The following GRIK1 variants were observed in gnomAD, a reference collection of about 807,000 sequenced individuals.
GRIK1 encodes the protein glutamate receptor ionotropic, kainate 1.
A neutral mutation model predicts 105.7 loss-of-function variants in GRIK1; 69 were observed. The observed-to-expected ratio is 0.65, with a 90% CI of 0.54 to 0.80. The LOEUF (loss-of-function observed/expected upper bound fraction) is 0.80, where lower values mean the gene tolerates loss of function less well. Ranked by LOEUF, GRIK1 falls within the 30% of genes least tolerant of loss-of-function variation. The pLI, the probability that GRIK1 is intolerant of heterozygous loss-of-function variation, is 0.00. For missense variants in GRIK1, 1,109 were observed against 1,167.3 expected, an observed-to-expected ratio of 0.95 and a Z score of 0.73; for synonymous variants, 438 against 431.3, an observed-to-expected ratio of 1.02 and a Z score of -0.19.
At position 29,689,633 on chromosome 21, in the gene GRIK1, A is replaced by G. The variant is rs1412901315; in HGVS notation, c.544+95T>C. ...TAGCTTTATATAAAAGAGCATTTTT[A>G]TGCTCCATCTGATGAGTTTAATGAC... On this transcript the variant is annotated intron_variant, in intron 3 of 17. Transcript: ENST00000327783. 7 of 1,048,424 alleles carry G rather than the reference A, an allele frequency of 6.7e-6. No individual in the cohort carries two copies. The Admixed American group carries it at 1.1e-4, about 17-fold the overall frequency. The allele number at this position is 1,048,424 out of a possible 1,614,324, so 64.9% of individuals were successfully genotyped here.
At chr21:29,773,072 G>A (rs1237664826) in intron 1 of GRIK1, among the ~76,000 whole-genome samples, 3 of 152,136 alleles carry the variant, frequency 2.0e-5, no homozygotes, top group Non-Finnish European at 2.9e-5. Flanking sequence ...ACTTATAGAT[G>A]GGTGCAAGAA....
intron 1 of GRIK1, among the ~76,000 whole-genome samples, chr21:29,854,499 A>T (rs531661198): frequency 7.2e-5 from 11 of 152,206 alleles, no homozygotes; most frequent in Admixed American, 6.5e-4. Flanking sequence ...TAGCCTGCCA[A>T]AAATAATGAG....
chr21:29,767,526 A>G (rs893593818), intron 1 of GRIK1, among the ~76,000 whole-genome samples: 1 of 152,048 alleles, frequency 6.6e-6, no homozygotes, highest in Non-Finnish European at 1.5e-5. Flanking sequence ...AAAAAAAAAA[A>G]GAACTGCAAT....
intron 7 of GRIK1, among the ~76,000 whole-genome samples, chr21:29,632,714 C>T (rs945600653): frequency 1.3e-5 from 2 of 152,090 alleles, no homozygotes; most frequent in African/African-American, 4.8e-5. Context: ...AGAACCAGGA[C>T]ATTAGTAGTT....
intron 1 of GRIK1, among the ~76,000 whole-genome samples, chr21:29,756,400 CAAT>C (rs2065343377): frequency 6.6e-6 from 1 of 152,046 alleles, no homozygotes; most frequent in East Asian, 1.9e-4. Context: ...AAAATAATGA[CAAT>C]AATAATGCTG....
At chr21:29,615,210 G>C (rs1304703083) in intron 7 of GRIK1, among the ~76,000 whole-genome samples, 1 of 151,628 alleles carries the variant, frequency 6.6e-6, no homozygotes, top group Non-Finnish European at 1.5e-5. Flanking sequence ...TTGTATTACA[G>C]TTTGTTGTGT....
intron 11 of GRIK1, among the ~76,000 whole-genome samples, chr21:29,588,318 G>A (rs1030853053): frequency 6.6e-6 from 1 of 152,090 alleles, no homozygotes; most frequent in Admixed American, 6.5e-5. Flanking sequence ...TTGGTTCTGT[G>A]TCCCCACCTA....
intron 1 of GRIK1, among the ~76,000 whole-genome samples, chr21:29,733,568 T>G (rs775031164): frequency 2.6e-4 from 40 of 152,312 alleles, no homozygotes; most frequent in Non-Finnish European, 4.3e-4. Context: ...CCCATTCTTA[T>G]GCAAATTATA....
rs183380625 is a variant in GRIK1 at position 29,549,866 on chromosome 21, G to C, written c.2607+5186C>G. Among the ~76,000 whole-genome samples, 67 of 152,038 alleles carry C rather than the reference G, an allele frequency of 4.4e-4. No homozygotes were observed. In the East Asian group the frequency reaches 0.012, roughly 28 times the overall value. ...TTATGGCTGTAATCTCAGCACTTTG[G>C]GGGGCCGAGGCGGGTGGATCACCTG... On this transcript the variant is annotated intron_variant, in intron 16 of 17. Transcript: ENST00000327783.
At chr21:29,904,639 T>G (rs2070538736) in intron 1 of GRIK1, among the ~76,000 whole-genome samples, 1 of 152,184 alleles carries the variant, frequency 6.6e-6, no homozygotes, top group Non-Finnish European at 1.5e-5. Flanking sequence ...TCTCTTTTTA[T>G]CGATCAGCTG....
Position 29,537,312 on chromosome 21 carries a change from G to A in GRIK1, c.2768C>T (p.Ser923Leu), listed in dbSNP as rs771498661. Reference sequence around the variant, plus strand: ...GAAGGAAGATTTCCCCTTAGTTCTTGACTTTTTCTTTATTTTTTTCTGATT... The same window carrying A: ...GAAGGAAGATTTCCCCTTAGTTCTTAACTTTTTCTTTATTTTTTTCTGATT... ...LKNQKKIKKKSRTKGKSSFTS... is the reference protein window; with the variant it reads ...LKNQKKIKKKLRTKGKSSFTS... Residue 923 changes from serine (S) to leucine (L), a missense_variant, in exon 18 of 18, where the codon TCA (serine) becomes TTA (leucine). Ser to Leu is a moderately radical substitution (Grantham distance 145, BLOSUM62 -2). This residue lies in a region of GRIK1 where 161 missense variants were observed against 143.4 expected (regional missense o/e 1.12). Transcript: ENST00000327783. 2 of 1,610,552 alleles carry A rather than the reference G, an allele frequency of 1.2e-6. No individual in the cohort carries two copies. The highest frequency in any genetic ancestry group is 2.2e-5 in the South Asian group (2 of 90,924).
chr21:29,625,032 T>C (rs962108782), intron 7 of GRIK1, among the ~76,000 whole-genome samples: 2 of 152,250 alleles, frequency 1.3e-5, no homozygotes, highest in Non-Finnish European at 2.9e-5. Flanking sequence ...TTATGTAGTC[T>C]GACATGTGGA....
intron 1 of GRIK1, among the ~76,000 whole-genome samples, chr21:29,890,102 TC>T (rs1336292000): frequency 6.6e-6 from 1 of 152,128 alleles, no homozygotes; most frequent in African/African-American, 2.4e-5. Flanking sequence ...TAATGTTTAA[TC>T]ATAAATATTT....
At chr21:29,904,170 G>A (rs1258202483) in intron 1 of GRIK1, among the ~76,000 whole-genome samples, 2 of 152,082 alleles carry the variant, frequency 1.3e-5, no homozygotes, top group East Asian at 3.9e-4. Flanking sequence ...AATACCAAAT[G>A]TAGGTGACAG....
chr21:29,866,523 A>G (rs574921128), intron 1 of GRIK1, among the ~76,000 whole-genome samples: 7 of 152,268 alleles, frequency 4.6e-5, no homozygotes, highest in Non-Finnish European at 8.8e-5. Context: ...CATTTTCACA[A>G]TGAGCATTAT....
intron 1 of GRIK1, among the ~76,000 whole-genome samples, chr21:29,815,102 TCTTAA>T (rs1424812932): frequency 1.3e-5 from 2 of 152,180 alleles, no homozygotes; most frequent in South Asian, 2.1e-4. Flanking sequence ...GCTTATCTAC[TCTTAA>T]CTTAAGTACT....
chr21:29,781,722 C>A (rs1180191579), intron 1 of GRIK1, among the ~76,000 whole-genome samples: 1 of 105,380 alleles, frequency 9.5e-6, no homozygotes, highest in East Asian at 3.4e-4. Flanking sequence ...GGACTGCGGA[C>A]TGCAGTGGCG....
At position 29,693,878 on chromosome 21, in the gene GRIK1, A is replaced by G; in HGVS notation, c.286+18T>C. On this transcript the variant is annotated intron_variant, in intron 2 of 17. Transcript: ENST00000327783. The stretch of plus-strand genomic sequence containing the variant: ...ACATATCACCCAAAGAAGCTTTTAA[A>G]AGTGGGAAAATAGTTACCTCTCCGC... 6.3e-7 allele frequency: 1 copy of G among 1,594,118 alleles called. No homozygotes were observed.
At chr21:29,807,145 A>C (rs114402870) in intron 1 of GRIK1, among the ~76,000 whole-genome samples, 1 of 152,168 alleles carries the variant, frequency 6.6e-6, no homozygotes, top group Non-Finnish European at 1.5e-5. Context: ...CTGTCTCAAC[A>C]ATTCTTCAAG....
Sources: allele counts gnomAD v4.1 joint callset (sites outside exome capture counted in the v4.1 genomes callset), GRCh38; gene constraint gnomAD v4.1.1; regional missense constraint gnomAD v4.1.1; transcripts MANE v1.5; gene names NCBI Gene and HGNC (gene_info 2026-07-23, HGNC 2026-07-21).